Variants in NHEJ1 observed in about 807,000 individuals in gnomAD.
NHEJ1 encodes non-homologous end joining factor 1, also known as non-homologous end-joining factor 1.
A neutral mutation model predicts 39.4 loss-of-function variants in NHEJ1; 22 were observed. That is an observed-to-expected ratio of 0.56 (90% CI 0.40 to 0.80). The LOEUF is 0.80. Among genes scored for constraint, NHEJ1 ranks in the 30% least tolerant of loss-of-function variants. NHEJ1 has a pLI of 0.00. For synonymous variants in NHEJ1, 154 were observed against 135.6 expected (o/e 1.14, Z -0.94); for missense variants, 329 against 357.1 (o/e 0.92, Z 0.63).
intron 5 of NHEJ1, among the ~76,000 whole-genome samples, chr2:219,116,165 T>C (rs1331618386): frequency 5.9e-5 from 9 of 152,166 alleles, no homozygotes; most frequent in African/African-American, 2.2e-4. Context: ...AGTGATTGGA[T>C]TTGCCTCTGC....
At chr2:219,085,941 C>T (rs895485604) in intron 5 of NHEJ1, among the ~76,000 whole-genome samples, 62 of 152,106 alleles carry the variant, frequency 4.1e-4, no homozygotes, top group Non-Finnish European at 8.8e-4. Flanking sequence ...AGTCCAGGTC[C>T]TACATATACT....
chr2:219,106,741 A>C (rs547888344), intron 5 of NHEJ1, among the ~76,000 whole-genome samples: 8 of 152,330 alleles, frequency 5.3e-5, no homozygotes, highest in South Asian at 2.1e-4. Flanking sequence ...AACAGTGCCC[A>C]AAAAACCCAC....
rs1553542299 is a variant in NHEJ1, at chr2:219,080,624, T to TGCTAATATATATAA, written c.589-2432_589-2419dup. Reference sequence around the variant, plus strand: ...GCTAATATATATAAGCTTATATATATGCTAATATATATAAGCTTATATATA... The same window carrying TGCTAATATATATAA: ...GCTAATATATATAAGCTTATATATATGCTAATATATATAAGCTAATATATATAAGCTTATATATA... On this transcript the variant is annotated intron_variant, in intron 5 of 7. Coordinates refer to ENST00000356853, the MANE Select transcript of NHEJ1 (RefSeq NM_024782.3). Among the ~76,000 whole-genome samples the TGCTAATATATATAA allele has an allele frequency of 2.8e-3, 330 of 118,300 alleles. 8 individuals are homozygous for TGCTAATATATATAA. Among genetic ancestry groups the TGCTAATATATATAA allele is most frequent in the African/African-American group, 0.01 (320 of 31,054 alleles). 77.6% of individuals were successfully genotyped at this position (118,300 alleles called of 152,430 possible). A position where few individuals can be genotyped will look rare whatever the true frequency, so the allele number is the denominator to read the frequency against.
Position 219,076,413 on chromosome 2 carries a change from T to G in NHEJ1, c.868A>C (p.Lys290Gln). ...PLQRPQLSKV[K>Q]RKKPRGLFS ...AAGAGACCCCTTGGCTTCTTCCTCT[T>G]GACCTTTGACAGCTGAGGTCTCTGC... Residue 290 changes from lysine (K) to glutamine (Q), a missense_variant, in exon 8 of 8, where the codon AAG becomes CAG. Physicochemically the swap from Lys to Gln is moderately conservative, Grantham distance 53. Coordinates refer to ENST00000356853, the MANE Select transcript of NHEJ1 (RefSeq NM_024782.3). 6.2e-7 allele frequency: 1 copy of G among 1,614,170 alleles called. No homozygotes were observed.
intron 5 of NHEJ1, among the ~76,000 whole-genome samples, chr2:219,082,647 G>C (rs1949077272): frequency 6.6e-6 from 1 of 152,214 alleles, no homozygotes; most frequent in Non-Finnish European, 1.5e-5. Context: ...AAGGGAAAAT[G>C]AGCTAACTGG....
At chr2:219,130,468 C>G (rs756795790) in intron 5 of NHEJ1, among the ~76,000 whole-genome samples, 4 of 144,854 alleles carry the variant, frequency 2.8e-5, no homozygotes, top group Non-Finnish European at 6.0e-5. Flanking sequence ...TCCTCTGACA[C>G]AAAATTTCCA....
At chr2:219,159,792 C>CAAAA (rs1949911066) in intron 1 of NHEJ1, among the ~76,000 whole-genome samples, 1 of 150,760 alleles carries the variant, frequency 6.6e-6, no homozygotes, top group South Asian at 2.1e-4. Context: ...AATAAAGTCG[C>CAAAA]CACTTTCATC....
In NHEJ1 at chr2:219,158,270, C is replaced by T; in HGVS notation, c.93G>A (p.Lys31=). The change falls in exon 2 of 8, where the codon AAG becomes AAA. Residue 31 remains lysine (K), a synonymous_variant. Coordinates refer to ENST00000356853, the MANE Select transcript of NHEJ1 (RefSeq NM_024782.3). ...NSLLAKVFIT[K]QGYALLVSDL... is the part of the protein sequence containing the mutation. ...CTGAAACCAACAAGGCATAGCCCTG[C>T]TTGGTGATAAAAACCTTGGCCAAGA... is the stretch of plus-strand genomic sequence containing the variant. The T allele has an allele frequency of 1.2e-6, 2 of 1,614,194 alleles. No homozygotes were observed. Among genetic ancestry groups the T allele is most frequent in the Non-Finnish European group, 1.7e-6 (2 of 1,180,020 alleles).
At position 219,073,138 on chromosome 2, in the gene NHEJ1, T is replaced by A. The variant is rs1367625773; in HGVS notation, c.*3243A>T. 1.3e-5 allele frequency among the ~76,000 whole-genome samples: 2 copies of A among 152,076 alleles called. No homozygotes were observed. Among genetic ancestry groups the A allele is most frequent in the African/African-American group, 4.8e-5 (2 of 41,410 alleles). ...TCCTTCCCCCAGTGCTCACTGTGGGTGCGCTACACCAGGCCTGTGGAAGGA... is the reference window on the plus strand; with the variant it reads ...TCCTTCCCCCAGTGCTCACTGTGGGAGCGCTACACCAGGCCTGTGGAAGGA... On this transcript the variant is annotated 3_prime_UTR_variant, in exon 8 of 8. Transcript: ENST00000356853.
At chr2:219,145,895 G>A (rs1949734683) in intron 5 of NHEJ1, among the ~76,000 whole-genome samples, 1 of 148,506 alleles carries the variant, frequency 6.7e-6, no homozygotes, top group African/African-American at 2.5e-5. Context: ...TCGCACCATT[G>A]CACTCCAGCC....
At chr2:219,078,285 G>A in intron 5 of NHEJ1, 79 bp from the exon 6 acceptor site, 3 of 1,187,704 alleles carry the variant, frequency 2.5e-6, no homozygotes, top group Non-Finnish European at 3.8e-6. Flanking sequence ...TGCAGAACCG[G>A]CATCAACCCC....
At chr2:219,135,109 CTAAT>C (rs1360138261) in intron 5 of NHEJ1, among the ~76,000 whole-genome samples, 2 of 148,404 alleles carry the variant, frequency 1.3e-5, no homozygotes, top group African/African-American at 2.5e-5. Context: ...TAAATTAACT[CTAAT>C]TATAAATAAG....
At chr2:219,158,398 G>A in intron 1 of NHEJ1, 36 bp from the exon 2 acceptor site, 1 of 1,607,992 alleles carries the variant, frequency 6.2e-7, no homozygotes, top group South Asian at 1.1e-5. Flanking sequence ...AGAGCCTCAG[G>A]GTCATGCTGG....
intron 5 of NHEJ1, among the ~76,000 whole-genome samples, chr2:219,126,713 G>A (rs957351472): frequency 3.3e-5 from 5 of 152,174 alleles, no homozygotes. Context: ...TATGGCCTAC[G>A]ATAGAGCAAA....
intron 5 of NHEJ1, among the ~76,000 whole-genome samples, chr2:219,087,730 T>C (rs1949124521): frequency 6.6e-6 from 1 of 152,116 alleles, no homozygotes; most frequent in Non-Finnish European, 1.5e-5. Flanking sequence ...AAAGATTTCT[T>C]AACAGGACAC....
intron 5 of NHEJ1, among the ~76,000 whole-genome samples, chr2:219,091,067 A>G (rs975124059): frequency 6.6e-6 from 1 of 152,158 alleles, no homozygotes; most frequent in Non-Finnish European, 1.5e-5. Flanking sequence ...GCACTGAAGT[A>G]TGTGCTGGGA....
chr2:219,084,961 G>T (rs559011231), intron 5 of NHEJ1, among the ~76,000 whole-genome samples: 13 of 152,312 alleles, frequency 8.5e-5, no homozygotes, highest in Middle Eastern at 3.4e-3. Flanking sequence ...CAGCCCAACT[G>T]ATCCTGCAAT....
At chr2:219,098,793 T>C (rs983765198) in intron 5 of NHEJ1, among the ~76,000 whole-genome samples, 1 of 152,132 alleles carries the variant, frequency 6.6e-6, no homozygotes, top group Non-Finnish European at 1.5e-5. Flanking sequence ...TCTAAAAAAA[T>C]TTTTTAAATA....
intron 5 of NHEJ1, among the ~76,000 whole-genome samples, chr2:219,090,529 G>A (rs1949151201): frequency 6.6e-6 from 1 of 152,160 alleles, no homozygotes; most frequent in Non-Finnish European, 1.5e-5. Context: ...AGGGTTCACT[G>A]CCCTCAAGGA....
Sources: gnomAD v4.1 joint callset for allele counts (sites outside exome capture counted in the v4.1 genomes callset) on GRCh38, gnomAD v4.1.1 for gene constraint, MANE v1.5 for transcripts, NCBI Gene and HGNC (gene_info 2026-07-23, HGNC 2026-07-21) for gene names.